KIR3DL2: variants seen among roughly 807,000 people sequenced by gnomAD.
KIR3DL2 encodes the protein killer cell immunoglobulin-like receptor 3DL2.
In KIR3DL2, 42 loss-of-function variants were observed where a neutral mutation model predicts 41.6. The ratio of observed to expected loss-of-function variants is 1.01; its 90% CI spans 0.79 to 1.31. KIR3DL2 has a LOEUF of 1.31. Among genes scored for constraint, KIR3DL2 ranks in the 50% most tolerant of loss-of-function variants. The pLI, the probability that KIR3DL2 is intolerant of heterozygous loss-of-function variation, is 0.00. For missense variants in KIR3DL2, 728 were observed against 576.8 expected, an observed-to-expected ratio of 1.26 and a Z score of -2.68; for synonymous variants, 230 against 221.3, an observed-to-expected ratio of 1.04 and a Z score of -0.35.
chr19:54,851,381 C>T, intron 2 of KIR3DL2, 126 bp downstream of exon 2: 2 of 1,050,722 alleles, frequency 1.9e-6, no homozygotes, highest in Non-Finnish European at 2.8e-6. Flanking sequence ...ATACTCGGCC[C>T]ACATTTCTGA....
chr19:54,860,322 G>C (rs2065081842), intron 6 of KIR3DL2, among the ~76,000 whole-genome samples: 1 of 152,026 alleles, frequency 6.6e-6, no homozygotes, highest in Non-Finnish European at 1.5e-5. Flanking sequence ...ACCAATAAAT[G>C]AATGATCTAT....
intron 7 of KIR3DL2, 150 bp downstream of exon 7, chr19:54,866,059 A>G: frequency 1.3e-6 from 1 of 787,202 alleles, no homozygotes; most frequent in Non-Finnish European, 2.1e-6. Context: ...AGCACCAGAC[A>G]ACCTGCCCCT....
intron 3 of KIR3DL2, among the ~76,000 whole-genome samples, chr19:54,852,486 C>G (rs1301657835): frequency 5.9e-5 from 9 of 151,476 alleles, no homozygotes; most frequent in African/African-American, 2.0e-4. Flanking sequence ...GAGCCTGTGA[C>G]TATTTATGTT....
In KIR3DL2 at chr19:54,855,748, A is replaced by G. The variant is rs1219869438; in HGVS notation, c.785A>G (p.His262Arg). The change falls in exon 5 of 9, where the codon CAT becomes CGT. Residue 262 changes from histidine to arginine, a missense_variant. By Grantham distance (29) the His-to-Arg change is conservative (BLOSUM62 0). Coordinates refer to ENST00000326321, the MANE Select transcript of KIR3DL2 (RefSeq NM_006737.4). ...IYHLSREGEA[H>R]ERRLRAVPKV... ...CATCTGTCCAGGGAAGGGGAGGCCC[A>G]TGAACGTAGGCTCCGTGCAGTGCCC... 5.0e-6 allele frequency: 8 copies of G among 1,613,434 alleles called. 1 individual carries two copies. In the Admixed American group the frequency reaches 1.0e-4, roughly 20 times the overall value.
At chr19:54,851,805 T>C (rs1054195581) in intron 2 of KIR3DL2, among the ~76,000 whole-genome samples, 193 bp from the exon 3 acceptor site, 4 of 151,880 alleles carry the variant, frequency 2.6e-5, no homozygotes, top group Admixed American at 2.6e-4. Flanking sequence ...TATTCAGCAC[T>C]TGCTCAAAGT....
Position 54,852,045 on chromosome 19 carries a change from C to A in KIR3DL2, c.118C>A (p.Pro40Thr). The change falls in exon 3 of 9, where the codon CCT becomes ACT. Residue 40 changes from proline (P) to threonine (T), a missense_variant. Physicochemically the swap from Pro to Thr is conservative, Grantham distance 38. Transcript: ENST00000326321. ...GTCTGCCCGGCCCAGCACTGTGGTG[C>A]CTCGAGGAGGACACGTGGCTCTTCA... ...FLSARPSTVVPRGGHVALQCH... is the reference protein window; with the variant it reads ...FLSARPSTVVTRGGHVALQCH... 1.2e-6 allele frequency: 2 copies of A among 1,611,982 alleles called. No individual in the cohort carries two copies. The highest frequency in any genetic ancestry group is 2.2e-5 in the South Asian group (2 of 91,054).
chr19:54,860,726 G>A (rs2065110832), intron 6 of KIR3DL2, among the ~76,000 whole-genome samples: 1 of 148,792 alleles, frequency 6.7e-6, no homozygotes, highest in Non-Finnish European at 1.5e-5. Flanking sequence ...TCAGGTGACA[G>A]AGAAGTTCTC....
rs771151352 is a variant in KIR3DL2, at chr19:54,866,457, T to C, written c.1158+35T>C. The stretch of plus-strand genomic sequence containing the variant: ...CCTCGGCCCAGCCTCACGGATACAG[T>C]CTTATCCCTAATAGTCCTGAAAAAT... On this transcript the variant is annotated intron_variant, in intron 8 of 8. Transcript: ENST00000326321. 6.8e-6 allele frequency: 11 copies of C among 1,613,750 alleles called. No individual in the cohort carries two copies. In the African/African-American group the frequency reaches 1.3e-4, roughly 20 times the overall value.
At chr19:54,858,970 G>A (rs2064988350) in intron 5 of KIR3DL2, 109 bp from the exon 6 acceptor site, 3 of 1,092,330 alleles carry the variant, frequency 2.7e-6, no homozygotes, top group Non-Finnish European at 4.2e-6. Context: ...GACTCCCAGG[G>A]TCCAACATTA....
chr19:54,850,554 A>C, intron 1 of KIR3DL2, 45 bp downstream of exon 1: 1 of 1,604,910 alleles, frequency 6.2e-7, no homozygotes, highest in South Asian at 1.1e-5. Context: ...GGGGATGGAG[A>C]TCTCGGCCTA....
rs796601363 is a variant in KIR3DL2, at chr19:54,858,928, G to A, written c.950-151G>A. ...TTCAAGTCTCAAGACAGTGGGCATCGCACACAAAAATTATGGAGAAAAGGA... is the reference window on the plus strand; with the variant it reads ...TTCAAGTCTCAAGACAGTGGGCATCACACACAAAAATTATGGAGAAAAGGA... On this transcript the variant is annotated intron_variant, in intron 5 of 8. Transcript: ENST00000326321. 35 of 819,556 alleles carry A rather than the reference G, an allele frequency of 4.3e-5. 1 individual carries two copies. The highest frequency in any genetic ancestry group is 1.5e-4 in the South Asian group (10 of 66,426). 50.8% of individuals were successfully genotyped at this position (819,556 alleles called of 1,614,324 possible). A position where few individuals can be genotyped will look rare whatever the true frequency, so the allele number is the denominator to read the frequency against.
intron 5 of KIR3DL2, among the ~76,000 whole-genome samples, chr19:54,856,988 G>A (rs1296718540): frequency 1.1e-4 from 16 of 152,092 alleles, no homozygotes; most frequent in Non-Finnish European, 1.5e-5. Flanking sequence ...AACAGTGCTG[G>A]AACAGTCATA....
At chr19:54,856,541 A>G (rs376495833) in intron 5 of KIR3DL2, among the ~76,000 whole-genome samples, 4,439 of 110,410 alleles carry the variant, frequency 0.04, 18 homozygotes, top group Middle Eastern at 0.047. Context: ...AAAATTAGCC[A>G]AGCATGCCGG....
In KIR3DL2 at chr19:54,851,976, G is replaced by A. The variant is rs1216219382; in HGVS notation, c.71-22G>A. The A allele has an allele frequency of 3.7e-6, 6 of 1,605,242 alleles. No individual in the cohort carries two copies. The Admixed American group carries it at 5.0e-5, about 13-fold the overall frequency. Reference sequence around the variant, plus strand: ...GTGGCTCCACATCCTCCTCTCTAAGGCAGTGCCTCCTTCTCCCCCAGGTGG... The same window carrying A: ...GTGGCTCCACATCCTCCTCTCTAAGACAGTGCCTCCTTCTCCCCCAGGTGG... On this transcript the variant is annotated intron_variant, in intron 2 of 8. Coordinates refer to ENST00000326321, the MANE Select transcript of KIR3DL2 (RefSeq NM_006737.4).
At chr19:54,854,172 T>A (rs930008585) in intron 4 of KIR3DL2, 126 bp downstream of exon 4, 3 of 1,204,384 alleles carry the variant, frequency 2.5e-6, no homozygotes, top group Non-Finnish European at 3.6e-6. Flanking sequence ...ACTGACTCGG[T>A]GAGGTCTGTA....
rs57315205 is a variant in KIR3DL2, at chr19:54,867,201, G to C, written c.*470G>C. On this transcript the variant is annotated 3_prime_UTR_variant, in exon 9 of 9. Coordinates refer to ENST00000326321, the MANE Select transcript of KIR3DL2 (RefSeq NM_006737.4). ...CTCTCCTCTTCAAATAAACATGTCTGCCCTCATGGTTTCGATAATGTGACT... is the reference window on the plus strand; with the variant it reads ...CTCTCCTCTTCAAATAAACATGTCTCCCCTCATGGTTTCGATAATGTGACT... 0.04 allele frequency: 7,123 copies of C among 176,316 alleles called. 180 individuals are homozygous for C. The highest frequency in any genetic ancestry group is 0.094 in the Middle Eastern group (37 of 392). The allele number at this position is 176,316 out of a possible 1,614,324, so 10.9% of individuals were successfully genotyped here.
Position 54,855,743 on chromosome 19 carries a change from G to A in KIR3DL2, c.780G>A (p.Glu260=), listed in dbSNP as rs1354723460. 2.1e-5 allele frequency: 34 copies of A among 1,613,434 alleles called. 1 individual carries two copies. Among genetic ancestry groups the A allele is most frequent in the South Asian group, 1.1e-4 (10 of 91,092 alleles). The change falls in exon 5 of 9, where the codon GAG becomes GAA. Residue 260 remains glutamate, a synonymous_variant. Coordinates refer to ENST00000326321, the MANE Select transcript of KIR3DL2 (RefSeq NM_006737.4). ...TCTACCATCTGTCCAGGGAAGGGGA[G>A]GCCCATGAACGTAGGCTCCGTGCAG... ...YDIYHLSREG[E]AHERRLRAVP...
intron 7 of KIR3DL2, 39 bp from the exon 8 acceptor site, chr19:54,866,331 G>A: frequency 6.2e-7 from 1 of 1,611,480 alleles, no homozygotes; most frequent in Non-Finnish European, 8.5e-7. Flanking sequence ...GACCCAGAAG[G>A]GCCCTCCAAG....
intron 6 of KIR3DL2, among the ~76,000 whole-genome samples, chr19:54,862,050 C>T (rs1324130891): frequency 2.0e-5 from 3 of 152,076 alleles, no homozygotes; most frequent in Non-Finnish European, 2.9e-5. Flanking sequence ...CTAGCTCCTG[C>T]TCCCCTTTCC....
Sources: allele counts gnomAD v4.1 joint callset (sites outside exome capture counted in the v4.1 genomes callset), GRCh38; gene constraint gnomAD v4.1.1; transcripts MANE v1.5; gene names NCBI Gene and HGNC (gene_info 2026-07-23, HGNC 2026-07-21).